Variants in LRRC31 observed in about 807,000 individuals in gnomAD.
LRRC31 encodes the protein leucine-rich repeat-containing protein 31.
LRRC31 carries 35 observed loss-of-function variants against 46.7 expected under a neutral mutation model. The observed-to-expected ratio is 0.75, with a 90% CI of 0.57 to 0.99. LRRC31 has a LOEUF of 0.99. LRRC31 is among the 50% of genes least tolerant of loss of function. The pLI is 0.00. For missense variants in LRRC31, 613 were observed against 626.1 expected (o/e 0.98, Z 0.22); for synonymous variants, 236 against 235.1 (o/e 1.00, Z -0.03).
intron 3 of LRRC31, among the ~76,000 whole-genome samples, chr3:169,859,941 G>A (rs1781095075): frequency 6.6e-6 from 1 of 151,828 alleles, no homozygotes; most frequent in Admixed American, 6.6e-5. Context: ...TCAGACGTTC[G>A]AGACCAGCCT....
chr3:169,865,467 C>T (rs1050442643), intron 1 of LRRC31, among the ~76,000 whole-genome samples: 2 of 152,220 alleles, frequency 1.3e-5, no homozygotes, highest in African/African-American at 4.8e-5. Flanking sequence ...GCTCTCGGTT[C>T]TTAGTGCTCT....
chr3:169,864,517 A>G (rs1269590042), intron 1 of LRRC31, among the ~76,000 whole-genome samples: 5 of 152,224 alleles, frequency 3.3e-5, no homozygotes, highest in African/African-American at 1.2e-4. Flanking sequence ...TGCCTGGTTC[A>G]TTTCTCAAGA....
rs557245917 is a variant in LRRC31, at chr3:169,848,772, T to C, written c.1160-485A>G. ...CGCCCAGCCTGTTGTCTGTTTTTAT[T>C]TGGGGAAATATTGGAAACTTTAGCA... is the stretch of plus-strand genomic sequence containing the variant. On this transcript the variant is annotated intron_variant, in intron 7 of 8. Transcript: ENST00000316428. 1.4e-4 allele frequency among the ~76,000 whole-genome samples: 22 copies of C among 152,292 alleles called. No homozygotes were observed. The South Asian group carries it at 3.7e-3, about 26-fold the overall frequency.
chr3:169,856,125 C>T (rs951936730), intron 5 of LRRC31, among the ~76,000 whole-genome samples: 6 of 152,040 alleles, frequency 3.9e-5, no homozygotes, highest in East Asian at 3.9e-4. Context: ...TCAAGTGATC[C>T]GCCTGCCTCA....
At position 169,869,872 on chromosome 3, in the gene LRRC31, T is replaced by A. The variant is rs183191278; in HGVS notation, c.-65A>T. The A allele has an allele frequency of 3.5e-6, 5 of 1,420,000 alleles. No homozygotes were observed. Among genetic ancestry groups the A allele is most frequent in the Non-Finnish European group, 3.8e-6 (4 of 1,056,876 alleles). The allele number at this position is 1,420,000 out of a possible 1,614,324, so 88.0% of individuals were successfully genotyped here. A position where few individuals can be genotyped will look rare whatever the true frequency, so the allele number is the denominator to read the frequency against. ...CTGTTGCTTTCTGTTTTCTAGGATT[T>A]CTAAGAAGAAAAGAAGATTCTGTCA... On this transcript the variant is annotated 5_prime_UTR_variant, in exon 1 of 9. Transcript: ENST00000316428.
At chr3:169,855,721 T>G (rs1314779098) in intron 5 of LRRC31, among the ~76,000 whole-genome samples, 1 of 152,160 alleles carries the variant, frequency 6.6e-6, no homozygotes, top group Non-Finnish European at 1.5e-5. Flanking sequence ...CATAAAATAA[T>G]GCTGACACTT....
At chr3:169,853,136 C>T in intron 6 of LRRC31, 1 of 803,334 alleles carries the variant, frequency 1.2e-6, no homozygotes, top group Non-Finnish European at 1.5e-6. Flanking sequence ...TACTCCTGCC[C>T]TTGCCATACC....
At chr3:169,860,290 C>T (rs545263828) in intron 3 of LRRC31, among the ~76,000 whole-genome samples, 4 of 151,280 alleles carry the variant, frequency 2.6e-5, no homozygotes, top group East Asian at 2.0e-4. Context: ...TGCAGTGGCA[C>T]GATCTCGGCT....
intron 3 of LRRC31, among the ~76,000 whole-genome samples, chr3:169,857,345 T>TATATATATATATATAGACAC (rs1491209579): frequency 1.1e-5 from 1 of 89,452 alleles, no homozygotes; most frequent in Admixed American, 1.4e-4. Flanking sequence ...TATATATATA[T>TATATATATATATATAGACAC]ACACACACAC....
intron 6 of LRRC31, 151 bp downstream of exon 6, chr3:169,854,662 C>T (rs1486546017): frequency 5.2e-6 from 3 of 575,974 alleles, no homozygotes; most frequent in Non-Finnish European, 9.2e-6. Context: ...ATGCCAAGTA[C>T]TACATTGGGG....
rs1410698713 is a variant in LRRC31, at chr3:169,840,080, T to G, written c.1561A>C (p.Lys521Gln). Residue 521 changes from lysine (K) to glutamine (Q), a missense_variant, in exon 9 of 9, where the codon AAA (lysine) becomes CAA (glutamine). By Grantham distance (53) the Lys-to-Gln change is moderately conservative. Coordinates refer to ENST00000316428, the MANE Select transcript of LRRC31 (RefSeq NM_024727.4). The part of the protein sequence containing the change: ...KLPQITEIGM[K>Q]RWILPASQEE... ...TGTGAAGCTGGGAGAATCCATCTTT[T>G]CATTCCTATCTCAGTGATCTGAGGA... 1 of 1,614,044 alleles carries G rather than the reference T, an allele frequency of 6.2e-7. No individual in the cohort carries two copies. Among genetic ancestry groups the G allele is most frequent in the Admixed American group, 1.7e-5 (1 of 59,992 alleles).
At chr3:169,868,997 A>G (rs1781412639) in intron 1 of LRRC31, among the ~76,000 whole-genome samples, 1 of 151,962 alleles carries the variant, frequency 6.6e-6, no homozygotes, top group African/African-American at 2.4e-5. Context: ...GGGTGACTAT[A>G]TTTATCCTTT....
At chr3:169,853,298 A>T in intron 6 of LRRC31, 1 of 985,178 alleles carries the variant, frequency 1.0e-6, no homozygotes, top group Non-Finnish European at 1.2e-6. Flanking sequence ...TCAATTATTT[A>T]ACAGCGTAAA....
intron 6 of LRRC31, 110 bp downstream of exon 6, chr3:169,854,703 C>T: frequency 1.2e-6 from 1 of 835,558 alleles, no homozygotes; most frequent in Admixed American, 2.2e-5. Context: ...ATTGATCTTT[C>T]CAATAACTTC....
chr3:169,842,538 A>G (rs1780483722), intron 8 of LRRC31, among the ~76,000 whole-genome samples: 1 of 152,110 alleles, frequency 6.6e-6, no homozygotes, highest in African/African-American at 2.4e-5. Flanking sequence ...TTTAGTAGAG[A>G]CAGGGTTTCA....
intron 8 of LRRC31, among the ~76,000 whole-genome samples, chr3:169,842,709 A>G (rs1780488260): frequency 6.6e-6 from 1 of 152,184 alleles, no homozygotes; most frequent in South Asian, 2.1e-4. Flanking sequence ...GATAAAATGT[A>G]AAAGTATAAA....
chr3:169,866,540 A>G (rs1781338269), intron 1 of LRRC31, among the ~76,000 whole-genome samples: 2 of 152,220 alleles, frequency 1.3e-5, no homozygotes, highest in South Asian at 2.1e-4. Flanking sequence ...TTAAAGACAG[A>G]CTTTAATTTC....
At chr3:169,847,109 T>C (rs1390299788) in intron 8 of LRRC31, among the ~76,000 whole-genome samples, 1 of 152,192 alleles carries the variant, frequency 6.6e-6, no homozygotes, top group Non-Finnish European at 1.5e-5. Context: ...CAAGGCTAGA[T>C]GGGAGCCAGA....
At chr3:169,851,486 A>G in intron 7 of LRRC31, 133 bp downstream of exon 7, 1 of 766,094 alleles carries the variant, frequency 1.3e-6, no homozygotes, top group South Asian at 2.0e-5. Flanking sequence ...ACTTTTAAGA[A>G]GGCATATGTC....
Sources: gnomAD v4.1 joint callset for allele counts (sites outside exome capture counted in the v4.1 genomes callset) on GRCh38, gnomAD v4.1.1 for gene constraint, MANE v1.5 for transcripts, NCBI Gene and HGNC (gene_info 2026-07-23, HGNC 2026-07-21) for gene names.